The following CHST9 variants were observed in gnomAD, a reference collection of about 807,000 sequenced individuals.
CHST9 encodes GalNAc-4-sulfotransferase 2.
In CHST9, 41 loss-of-function variants were observed where a neutral mutation model predicts 44.4. That is an observed-to-expected ratio of 0.92 (90% CI 0.72 to 1.20). CHST9 has a LOEUF of 1.20. Among genes scored for constraint, CHST9 ranks in the 50% most tolerant of loss-of-function variants. The pLI, the probability that CHST9 is intolerant of heterozygous loss-of-function variation, is 0.00. For synonymous variants in CHST9, 171 were observed against 178.4 expected (o/e 0.96, Z 0.33); for missense variants, 504 against 516.5 (o/e 0.98, Z 0.23).
At chr18:27,004,388 G>T (rs953124327) in intron 4 of CHST9, among the ~76,000 whole-genome samples, 3 of 150,126 alleles carry the variant, frequency 2.0e-5, no homozygotes, top group Admixed American at 1.3e-4. Context: ...CAACACATTT[G>T]TGCTTCCAGT....
At position 27,002,962 on chromosome 18, in the gene CHST9, T is replaced by A. The variant is rs144388116; in HGVS notation, c.202+21154A>T. Among the ~76,000 whole-genome samples the A allele has an allele frequency of 4.2e-3, 639 of 152,316 alleles. 4 individuals carry two copies. The highest frequency in any genetic ancestry group is 0.02 in the Middle Eastern group (6 of 294). ...TAAAAAACTGAAATTAAAATTAATT[T>A]ATCTGTACATTGTAACTCAACCACA... is the stretch of plus-strand genomic sequence containing the variant. On this transcript the variant is annotated intron_variant, in intron 4 of 5. Transcript: ENST00000618847.
intron 4 of CHST9, among the ~76,000 whole-genome samples, chr18:26,949,260 T>C (rs1246471101): frequency 6.6e-6 from 1 of 152,046 alleles, no homozygotes; most frequent in Admixed American, 6.6e-5. Context: ...GTTCTGGAGA[T>C]TGATTGAATG....
At chr18:27,073,879 A>G (rs2057870723) in intron 2 of CHST9, among the ~76,000 whole-genome samples, 2 of 152,024 alleles carry the variant, frequency 1.3e-5, no homozygotes, top group South Asian at 4.1e-4. Context: ...GCAGCATTAC[A>G]TTTTCTGTCT....
intron 1 of CHST9, among the ~76,000 whole-genome samples, chr18:27,172,922 A>G (rs1031953369): frequency 2.0e-5 from 3 of 152,006 alleles, no homozygotes; most frequent in African/African-American, 7.2e-5. Flanking sequence ...GCACCAATCT[A>G]CTTGCTTTGA....
chr18:27,074,408 G>A (rs2057876621), intron 2 of CHST9, among the ~76,000 whole-genome samples: 1 of 152,092 alleles, frequency 6.6e-6, no homozygotes, highest in Non-Finnish European at 1.5e-5. Flanking sequence ...AATGTTTCAA[G>A]TTAATGAGAG....
intron 5 of CHST9, among the ~76,000 whole-genome samples, chr18:26,923,754 A>G (rs1225121464): frequency 2.6e-5 from 4 of 152,258 alleles, no homozygotes; most frequent in African/African-American, 9.6e-5. Flanking sequence ...TAAGCAGTTT[A>G]TGAAAAAATG....
At chr18:26,941,839 TCAG>T (rs1370408376) in intron 5 of CHST9, among the ~76,000 whole-genome samples, 3 of 152,214 alleles carry the variant, frequency 2.0e-5, no homozygotes, top group African/African-American at 7.2e-5. Flanking sequence ...TTCTCAGAGC[TCAG>T]GTGTGGTAAA....
chr18:26,951,518 T>C (rs2056247902), intron 4 of CHST9, among the ~76,000 whole-genome samples: 1 of 151,638 alleles, frequency 6.6e-6, no homozygotes, highest in Non-Finnish European at 1.5e-5. Context: ...TCTTCAGCCA[T>C]GCATAGATCT....
intron 1 of CHST9, among the ~76,000 whole-genome samples, chr18:27,153,461 C>T (rs957380966): frequency 2.3e-4 from 35 of 151,828 alleles, no homozygotes; most frequent in African/African-American, 8.2e-4. Context: ...CTCTGCCTCC[C>T]ACTTCACATG....
intron 1 of CHST9, among the ~76,000 whole-genome samples, chr18:27,168,454 G>A (rs2058809032): frequency 6.6e-6 from 1 of 152,148 alleles, no homozygotes; most frequent in South Asian, 2.1e-4. Context: ...GAAGGAGGCT[G>A]TTTTAATCTA....
intron 2 of CHST9, among the ~76,000 whole-genome samples, chr18:27,080,657 A>T (rs2057951204): frequency 6.6e-6 from 1 of 152,172 alleles, no homozygotes; most frequent in African/African-American, 2.4e-5. Flanking sequence ...TGTGTTGAGG[A>T]TGTCCTGCAG....
chr18:27,177,603 C>T (rs1445925664), intron 1 of CHST9, among the ~76,000 whole-genome samples: 1 of 151,968 alleles, frequency 6.6e-6, no homozygotes, highest in Non-Finnish European at 1.5e-5. Flanking sequence ...ATAAATCTAA[C>T]AGAGCCTTCT....
At chr18:27,075,677 T>C (rs764120463) in intron 2 of CHST9, among the ~76,000 whole-genome samples, 7 of 150,778 alleles carry the variant, frequency 4.6e-5, no homozygotes, top group Admixed American at 2.0e-4. Flanking sequence ...CAATGAAGTA[T>C]CTCTTCCACA....
chr18:27,005,885 T>A (rs556885903), intron 4 of CHST9, among the ~76,000 whole-genome samples: 5 of 152,310 alleles, frequency 3.3e-5, no homozygotes, highest in African/African-American at 1.2e-4. Context: ...TTGAATTTCT[T>A]AGCCACTTCT....
intron 2 of CHST9, among the ~76,000 whole-genome samples, chr18:27,102,074 A>G (rs188669519): frequency 6.6e-6 from 1 of 152,286 alleles, no homozygotes; most frequent in East Asian, 1.9e-4. Context: ...TCCCAGGGTT[A>G]TGTTTTGTGT....
intron 4 of CHST9, chr18:26,952,277 G>A (rs535568277): frequency 6.5e-5 from 34 of 523,968 alleles, no homozygotes; most frequent in South Asian, 4.6e-4. Context: ...GGCTTTTCAG[G>A]GTGTTGGAAA....
intron 5 of CHST9, among the ~76,000 whole-genome samples, chr18:26,929,872 C>T (rs2055845231): frequency 6.6e-6 from 1 of 152,146 alleles, no homozygotes; most frequent in South Asian, 2.1e-4. Context: ...AAGTGACACT[C>T]CTTTTCCAGG....
chr18:27,018,250 T>C (rs1011411508), intron 4 of CHST9, among the ~76,000 whole-genome samples: 2 of 152,212 alleles, frequency 1.3e-5, no homozygotes, highest in African/African-American at 4.8e-5. Context: ...ATTGAAAACC[T>C]TGACCCTTTA....
At chr18:27,037,888 A>G (rs1333260684) in intron 3 of CHST9, among the ~76,000 whole-genome samples, 8 of 151,900 alleles carry the variant, frequency 5.3e-5, no homozygotes, top group East Asian at 1.9e-4. Context: ...ACTACTGCCA[A>G]TTCTCAAGCC....
Sources: gnomAD v4.1 joint callset for allele counts (sites outside exome capture counted in the v4.1 genomes callset) on GRCh38, gnomAD v4.1.1 for gene constraint, MANE v1.5 for transcripts, NCBI Gene and HGNC (gene_info 2026-07-23, HGNC 2026-07-21) for gene names.